The following PIBF1 variants were observed in gnomAD, a reference collection of about 807,000 sequenced individuals.
PIBF1 encodes the protein progesterone immunomodulatory binding factor 1.
PIBF1 carries 90 observed loss-of-function variants against 112.5 expected under a neutral mutation model. The observed-to-expected ratio is 0.80, with a 90% CI of 0.67 to 0.95. The LOEUF is 0.95. Among genes scored for constraint, PIBF1 ranks in the 40% least tolerant of loss-of-function variants. The probability of loss-of-function intolerance (pLI) is 0.00; values close to 1 mark genes in which losing one functional copy is unlikely to be tolerated. For synonymous variants in PIBF1, 301 were observed against 288.6 expected, an observed-to-expected ratio of 1.04 and a Z score of -0.44; for missense variants, 915 against 852.3, an observed-to-expected ratio of 1.07 and a Z score of -0.92.
At chr13:72,868,213 A>T (rs1376041031) in intron 10 of PIBF1, among the ~76,000 whole-genome samples, 1 of 151,972 alleles carries the variant, frequency 6.6e-6, no homozygotes, top group African/African-American at 2.4e-5. Flanking sequence ...AGGTTGAAGG[A>T]TCCCTTGAGC....
At position 72,908,513 on chromosome 13, in the gene PIBF1, C is replaced by G. The variant is rs758225431; in HGVS notation, c.1489-18C>G. The G allele has an allele frequency of 6.4e-7, 1 of 1,558,066 alleles. No homozygotes were observed. The highest frequency in any genetic ancestry group is 8.7e-7 in the Non-Finnish European group (1 of 1,149,860). The stretch of plus-strand genomic sequence containing the variant: ...CCTGTTTAATTCTGCCTTTGTAATT[C>G]TTCTCTTTCACTATTAGGTTTTAAC... On this transcript the variant is annotated intron_variant, in intron 11 of 17. Coordinates refer to ENST00000326291, the MANE Select transcript of PIBF1 (RefSeq NM_006346.4).
At chr13:72,787,126 T>G (rs1262455852) in intron 2 of PIBF1, among the ~76,000 whole-genome samples, 2 of 152,212 alleles carry the variant, frequency 1.3e-5, no homozygotes, top group African/African-American at 4.8e-5. Flanking sequence ...TGTTTACTTC[T>G]TACATGCCCT....
intron 16 of PIBF1, among the ~76,000 whole-genome samples, chr13:72,985,371 C>A (rs375821913): frequency 0.011 from 821 of 75,992 alleles, no homozygotes; most frequent in African/African-American, 0.013. Flanking sequence ...ACTAAAAATA[C>A]AAAAAAAAAA....
intron 16 of PIBF1, among the ~76,000 whole-genome samples, chr13:72,989,813 A>G (rs570702580): frequency 6.6e-6 from 1 of 152,340 alleles, no homozygotes; most frequent in African/African-American, 2.4e-5. Flanking sequence ...GAAAGAAAAT[A>G]TTGACAAAAT....
intron 5 of PIBF1, among the ~76,000 whole-genome samples, chr13:72,819,311 C>T (rs963779147): frequency 6.6e-6 from 1 of 152,040 alleles, no homozygotes; most frequent in Non-Finnish European, 1.5e-5. Context: ...GACTAATCTG[C>T]ACATCTAAGC....
intron 3 of PIBF1, among the ~76,000 whole-genome samples, chr13:72,794,508 T>C (rs1291705470): frequency 1.3e-5 from 2 of 152,170 alleles, no homozygotes; most frequent in African/African-American, 4.8e-5. Context: ...CATCTTGAAT[T>C]ATAGCTCCCA....
chr13:72,816,885 G>T (rs2036300273), intron 5 of PIBF1, among the ~76,000 whole-genome samples: 1 of 151,788 alleles, frequency 6.6e-6, no homozygotes, highest in African/African-American at 2.4e-5. Context: ...TCTTAACAAT[G>T]ACAAGAGTTG....
At chr13:72,866,210 C>G (rs954012164) in intron 10 of PIBF1, among the ~76,000 whole-genome samples, 40 of 152,158 alleles carry the variant, frequency 2.6e-4, no homozygotes, top group African/African-American at 9.2e-4. Context: ...GGACAGGTCT[C>G]TCATCTCAAG....
At chr13:72,829,413 T>C (rs746781526) in intron 8 of PIBF1, among the ~76,000 whole-genome samples, 23 of 152,206 alleles carry the variant, frequency 1.5e-4, no homozygotes, top group Admixed American at 2.0e-4. Flanking sequence ...TGATCCTAGG[T>C]CTTACATTTA....
At chr13:72,909,919 C>T (rs1041236436) in intron 12 of PIBF1, among the ~76,000 whole-genome samples, 5 of 152,076 alleles carry the variant, frequency 3.3e-5, no homozygotes, top group Admixed American at 2.6e-4. Flanking sequence ...TTATCCCTAA[C>T]GTTAATAAAT....
At chr13:72,983,917 T>C (rs1196363238) in intron 16 of PIBF1, among the ~76,000 whole-genome samples, 1 of 152,200 alleles carries the variant, frequency 6.6e-6, no homozygotes, top group Non-Finnish European at 1.5e-5. Flanking sequence ...TACTTGTTTC[T>C]CAGATTCACA....
At chr13:72,968,795 C>T (rs1039718542) in intron 15 of PIBF1, among the ~76,000 whole-genome samples, 6 of 151,730 alleles carry the variant, frequency 4.0e-5, no homozygotes, top group South Asian at 2.1e-4. Context: ...AGAGTGGTGC[C>T]GAGGCAGACA....
intron 14 of PIBF1, among the ~76,000 whole-genome samples, chr13:72,944,983 A>G (rs1321672793): frequency 6.6e-6 from 1 of 152,014 alleles, no homozygotes; most frequent in Non-Finnish European, 1.5e-5. Flanking sequence ...TTGGAGTTTA[A>G]TTGCTACTGT....
At chr13:72,954,764 G>A (rs1212855119) in intron 14 of PIBF1, among the ~76,000 whole-genome samples, 1 of 152,156 alleles carries the variant, frequency 6.6e-6, no homozygotes, top group Admixed American at 6.5e-5. Flanking sequence ...TCTTTTAAAG[G>A]ATCTGTGGTT....
intron 16 of PIBF1, among the ~76,000 whole-genome samples, chr13:72,984,520 ATTTAT>A (rs2138978175): frequency 6.6e-6 from 1 of 152,156 alleles, no homozygotes; most frequent in East Asian, 1.9e-4. Context: ...TTTTATATTC[ATTTAT>A]TTTATTTAAG....
At chr13:72,982,381 A>G (rs1309298058) in intron 16 of PIBF1, among the ~76,000 whole-genome samples, 1 of 152,192 alleles carries the variant, frequency 6.6e-6, no homozygotes, top group Admixed American at 6.5e-5. Flanking sequence ...GGCTGCAGTG[A>G]GCAGTGATCG....
intron 10 of PIBF1, among the ~76,000 whole-genome samples, chr13:72,865,345 C>G (rs2038879819): frequency 6.6e-6 from 1 of 152,152 alleles, no homozygotes; most frequent in Non-Finnish European, 1.5e-5. Context: ...AAGCCCGGCA[C>G]AGTTCTGGCC....
intron 8 of PIBF1, among the ~76,000 whole-genome samples, chr13:72,833,655 C>G (rs1566331495): frequency 6.6e-6 from 1 of 152,170 alleles, no homozygotes; most frequent in Non-Finnish European, 1.5e-5. Flanking sequence ...CAGATGCCAA[C>G]CAGAGCTCTC....
At chr13:72,791,508 A>G (rs1351720098) in intron 2 of PIBF1, among the ~76,000 whole-genome samples, 3 of 152,226 alleles carry the variant, frequency 2.0e-5, no homozygotes, top group African/African-American at 7.2e-5. Flanking sequence ...GCTGAAATGG[A>G]GTTTCCTTTT....
Sources: gnomAD v4.1 joint callset for allele counts (sites outside exome capture counted in the v4.1 genomes callset) on GRCh38, gnomAD v4.1.1 for gene constraint, MANE v1.5 for transcripts, NCBI Gene and HGNC (gene_info 2026-07-23, HGNC 2026-07-21) for gene names.